PTPRT: variants seen among roughly 807,000 people sequenced by gnomAD.
PTPRT encodes the protein receptor-type tyrosine-protein phosphatase T.
A neutral mutation model predicts 176.8 loss-of-function variants in PTPRT; 56 were observed. That is an observed-to-expected ratio of 0.32 (90% CI 0.26 to 0.40). PTPRT has a LOEUF of 0.40. PTPRT is among the 10% of genes least tolerant of loss of function. PTPRT has a pLI of 1.00. For missense variants in PTPRT, 1,540 were observed against 1,908.2 expected (o/e 0.81, Z 3.60); for synonymous variants, 783 against 739.0 (o/e 1.06, Z -0.96).
intron 12 of PTPRT, among the ~76,000 whole-genome samples, chr20:42,289,769 T>C (rs2057289556): frequency 2.0e-5 from 3 of 152,082 alleles, no homozygotes; most frequent in Admixed American, 1.3e-4. Flanking sequence ...CTTCCACAGT[T>C]TCGTGCAGGA....
rs1310637069 is a variant in PTPRT at position 42,098,385 on chromosome 20, CT to C, written c.3846+35del. ...CCTCCAGGTTTAGAGCATGGCCCCC[CT>C]GACCCACCTAGGGCTTGGCTTGGCC... On this transcript the variant is annotated intron_variant, in intron 27 of 30. Coordinates refer to ENST00000373187, the MANE Select transcript of PTPRT (RefSeq NM_007050.6). 4 of 1,611,402 alleles carry C rather than the reference CT, an allele frequency of 2.5e-6. No individual in the cohort carries two copies. In the Admixed American group the frequency reaches 5.0e-5, roughly 20 times the overall value.
intron 1 of PTPRT, among the ~76,000 whole-genome samples, chr20:42,916,881 G>T (rs1482527043): frequency 6.6e-6 from 1 of 152,078 alleles, no homozygotes; most frequent in Non-Finnish European, 1.5e-5. Context: ...AGATGAGTAG[G>T]TTGCAAAAAT....
intron 9 of PTPRT, among the ~76,000 whole-genome samples, chr20:42,413,226 A>G (rs764839840): frequency 2.0e-5 from 3 of 152,208 alleles, no homozygotes; most frequent in Non-Finnish European, 4.4e-5. Context: ...TGGAAAAGCT[A>G]AATAAATCAA....
intron 7 of PTPRT, among the ~76,000 whole-genome samples, chr20:42,660,700 C>G (rs1174784667): frequency 6.6e-6 from 1 of 152,162 alleles, no homozygotes; most frequent in Non-Finnish European, 1.5e-5. Context: ...ATCCATGATT[C>G]CAGGCACTGG....
At chr20:42,961,292 A>C (rs954340548) in intron 1 of PTPRT, among the ~76,000 whole-genome samples, 1 of 152,182 alleles carries the variant, frequency 6.6e-6, no homozygotes, top group African/African-American at 2.4e-5. Flanking sequence ...AAAGATTGCT[A>C]TGGTGCCTGT....
chr20:42,869,193 A>G (rs539422449), intron 2 of PTPRT, among the ~76,000 whole-genome samples: 61 of 152,262 alleles, frequency 4.0e-4, no homozygotes, highest in African/African-American at 1.3e-3. Flanking sequence ...GCCACTGCAG[A>G]GAACCCCTAT....
intron 1 of PTPRT, among the ~76,000 whole-genome samples, chr20:42,922,788 C>A (rs1979234490): frequency 6.6e-6 from 1 of 152,156 alleles, no homozygotes; most frequent in South Asian, 2.1e-4. Context: ...AGCTGAGGGT[C>A]ACTCAAACGC....
intron 6 of PTPRT, among the ~76,000 whole-genome samples, chr20:42,722,892 T>C (rs1205557307): frequency 3.9e-5 from 6 of 152,230 alleles, no homozygotes; most frequent in African/African-American, 1.2e-4. Context: ...CTCAGGACTA[T>C]GGCAAACTTT....
intron 7 of PTPRT, among the ~76,000 whole-genome samples, chr20:42,663,572 T>C (rs1021981158): frequency 2.0e-5 from 3 of 150,810 alleles, no homozygotes; most frequent in African/African-American, 7.5e-5. Flanking sequence ...CAGGGGCTCA[T>C]GTGCTCTTTT....
At chr20:42,161,044 T>C (rs1039141653) in intron 17 of PTPRT, among the ~76,000 whole-genome samples, 2 of 151,964 alleles carry the variant, frequency 1.3e-5, no homozygotes, top group African/African-American at 2.4e-5. Context: ...TGCAGAAACG[T>C]TGGAGGTAAT....
At chr20:43,096,543 G>T (rs905695751) in intron 1 of PTPRT, among the ~76,000 whole-genome samples, 1 of 152,198 alleles carries the variant, frequency 6.6e-6, no homozygotes, top group Non-Finnish European at 1.5e-5. Flanking sequence ...TGACAGAGGG[G>T]GTTCCTCCAC....
intron 2 of PTPRT, among the ~76,000 whole-genome samples, chr20:42,827,599 T>G (rs1053010496): frequency 6.6e-6 from 1 of 152,134 alleles, no homozygotes; most frequent in Non-Finnish European, 1.5e-5. Context: ...CCTTATGTGG[T>G]TTGGCTGTGT....
At chr20:43,006,972 C>G (rs965002378) in intron 1 of PTPRT, among the ~76,000 whole-genome samples, 15 of 152,194 alleles carry the variant, frequency 9.9e-5, no homozygotes, top group African/African-American at 3.4e-4. Context: ...GTATCTTGTT[C>G]TAATTCGAGG....
chr20:42,801,916 C>A (rs577089827), intron 2 of PTPRT, among the ~76,000 whole-genome samples: 1 of 152,222 alleles, frequency 6.6e-6, no homozygotes, highest in African/African-American at 2.4e-5. Flanking sequence ...AACCTCTCAC[C>A]CTTCAGTTTA....
At chr20:42,440,485 T>C (rs1247791899) in intron 9 of PTPRT, among the ~76,000 whole-genome samples, 3 of 151,476 alleles carry the variant, frequency 2.0e-5, no homozygotes, top group Non-Finnish European at 1.5e-5. Context: ...TTCTTTCTTT[T>C]TTTTTTTTTT....
chr20:42,337,199 T>C (rs1017607954), intron 11 of PTPRT, among the ~76,000 whole-genome samples: 7 of 152,146 alleles, frequency 4.6e-5, no homozygotes, highest in Admixed American at 1.3e-4. Flanking sequence ...ATTAGCAAAG[T>C]CAAGCCTCAC....
intron 7 of PTPRT, among the ~76,000 whole-genome samples, chr20:42,656,073 T>C (rs34582582): frequency 0.068 from 10,383 of 152,196 alleles, 460 homozygotes; most frequent in Admixed American, 0.12. Flanking sequence ...ATGAGCTGGA[T>C]AGAGCTTTTA....
intron 16 of PTPRT, among the ~76,000 whole-genome samples, chr20:42,169,793 A>ACACACACACACACACACACAC (rs1568638865): frequency 3.0e-5 from 2 of 67,100 alleles, no homozygotes; most frequent in Non-Finnish European, 6.2e-5. Context: ...CACACACACA[A>ACACACACACACACACACACAC]CAGTCAGTAT....
intron 9 of PTPRT, among the ~76,000 whole-genome samples, chr20:42,402,954 A>T (rs2425492): frequency 0.79 from 119,539 of 152,114 alleles, 47,169 homozygotes; most frequent in Admixed American, 0.82. Context: ...TATACAGCTG[A>T]CATATATAAA....
Sources: gnomAD v4.1 joint callset for allele counts (sites outside exome capture counted in the v4.1 genomes callset) on GRCh38, gnomAD v4.1.1 for gene constraint, MANE v1.5 for transcripts, NCBI Gene and HGNC (gene_info 2026-07-23, HGNC 2026-07-21) for gene names.